Variants in MICU1 observed in about 807,000 individuals in gnomAD.
The protein encoded by MICU1 is calcium uptake protein 1, mitochondrial.
MICU1 carries 45 observed loss-of-function variants against 56.8 expected under a neutral mutation model. That is an observed-to-expected ratio of 0.79 (90% CI 0.62 to 1.02). The LOEUF is 1.02. MICU1 is among the 50% of genes least tolerant of loss of function. MICU1 has a pLI of 0.00. For missense variants in MICU1, 504 were observed against 587.1 expected (o/e 0.86, Z 1.46); for synonymous variants, 186 against 195.1 (o/e 0.95, Z 0.39).
chr10:72,613,368 G>C (rs904917011), intron 1 of MICU1, among the ~76,000 whole-genome samples: 2 of 150,690 alleles, frequency 1.3e-5, no homozygotes, highest in African/African-American at 4.9e-5. Flanking sequence ...CAAACGCCTA[G>C]GTTTAAGTAG....
chr10:72,426,673 C>T (rs532157931), intron 8 of MICU1, among the ~76,000 whole-genome samples: 8 of 152,180 alleles, frequency 5.3e-5, no homozygotes, highest in Non-Finnish European at 1.2e-4. Context: ...GCTGGGATTA[C>T]AGGCATGAGC....
chr10:72,457,215 C>T (rs182861868), intron 8 of MICU1, among the ~76,000 whole-genome samples: 4,436 of 131,810 alleles, frequency 0.034, 205 homozygotes, highest in African/African-American at 0.12. Flanking sequence ...TTACTTCCTA[C>T]TTTTTTTTTT....
chr10:72,559,037 A>G (rs991340150), intron 3 of MICU1, among the ~76,000 whole-genome samples: 3 of 152,088 alleles, frequency 2.0e-5, no homozygotes, highest in African/African-American at 7.2e-5. Flanking sequence ...TATTTTTTCA[A>G]ATGAGCTGGG....
At chr10:72,625,677 C>G (rs1225488280) in intron 1 of MICU1, among the ~76,000 whole-genome samples, 1 of 152,182 alleles carries the variant, frequency 6.6e-6, no homozygotes, top group Non-Finnish European at 1.5e-5. Context: ...GTCAAGGCTA[C>G]CAGAGTGTCC....
intron 8 of MICU1, among the ~76,000 whole-genome samples, chr10:72,452,456 G>T (rs1418583729): frequency 1.3e-5 from 2 of 152,178 alleles, no homozygotes; most frequent in African/African-American, 4.8e-5. Context: ...ATGAGGAAAT[G>T]ACATATTCTT....
intron 8 of MICU1, among the ~76,000 whole-genome samples, chr10:72,433,766 T>C (rs1168068652): frequency 6.6e-6 from 1 of 152,230 alleles, no homozygotes; most frequent in African/African-American, 2.4e-5. Context: ...CTTGGGAATC[T>C]TTCCTCATTA....
At chr10:72,608,132 G>A (rs1330917196) in intron 1 of MICU1, among the ~76,000 whole-genome samples, 1 of 152,074 alleles carries the variant, frequency 6.6e-6, no homozygotes, top group Non-Finnish European at 1.5e-5. Flanking sequence ...GCAGTGGTGT[G>A]ATCTCAGCTC....
intron 6 of MICU1, among the ~76,000 whole-genome samples, chr10:72,489,594 G>A (rs16929899): frequency 0.054 from 8,148 of 152,154 alleles, 748 homozygotes; most frequent in African/African-American, 0.19. Flanking sequence ...AGGCTAGATA[G>A]TTTACAACTT....
chr10:72,500,275 TATATATATATATATATATATATA>T (rs1866991298), intron 6 of MICU1, among the ~76,000 whole-genome samples: 4 of 9,246 alleles, frequency 4.3e-4, no homozygotes, highest in East Asian at 1.8e-3. Context: ...TATATATATA[TATATATATATATATATATATATA>T]TATATTTTTT....
In MICU1 at chr10:72,368,373, A is replaced by G. The variant is rs770180247; in HGVS notation, c.1271-18T>C. The G allele has an allele frequency of 6.2e-7, 1 of 1,609,088 alleles. No homozygotes were observed. ...GCCATTGCCTAGAGGAAGAGGCAAA[A>G]ACAACAGGGATAAGTGTTGGCCTTG... On this transcript the variant is annotated intron_variant, in intron 11 of 11. Transcript: ENST00000361114.
At chr10:72,550,513 A>G (rs961871065) in intron 4 of MICU1, among the ~76,000 whole-genome samples, 3 of 152,244 alleles carry the variant, frequency 2.0e-5, no homozygotes, top group Non-Finnish European at 2.9e-5. Context: ...TGTTCTATAC[A>G]GTCACTGTGG....
intron 5 of MICU1, among the ~76,000 whole-genome samples, chr10:72,525,857 G>A (rs557141161): frequency 1.3e-5 from 2 of 152,228 alleles, no homozygotes; most frequent in Non-Finnish European, 2.9e-5. Context: ...TTATGTGGGA[G>A]AGCCTATATT....
chr10:72,370,023 C>T (rs943967365), intron 11 of MICU1, among the ~76,000 whole-genome samples: 13 of 152,078 alleles, frequency 8.5e-5, no homozygotes, highest in African/African-American at 3.1e-4. Flanking sequence ...ACCACAGGCA[C>T]CCGCCATCAT....
At chr10:72,425,391 G>C (rs1042225613) in intron 8 of MICU1, among the ~76,000 whole-genome samples, 4 of 152,120 alleles carry the variant, frequency 2.6e-5, no homozygotes, top group Admixed American at 2.6e-4. Context: ...GCTTATAAAA[G>C]GCCTTTATTC....
At chr10:72,479,666 C>T (rs1401542345) in intron 6 of MICU1, among the ~76,000 whole-genome samples, 3 of 152,140 alleles carry the variant, frequency 2.0e-5, no homozygotes, top group Non-Finnish European at 4.4e-5. Flanking sequence ...GCTAGGACTA[C>T]AGGTGCGTGC....
chr10:72,428,703 C>T (rs1229914706), intron 8 of MICU1, among the ~76,000 whole-genome samples: 1 of 152,046 alleles, frequency 6.6e-6, no homozygotes, highest in South Asian at 2.1e-4. Context: ...AACAGTCAGA[C>T]CAGGGAAAGG....
intron 5 of MICU1, among the ~76,000 whole-genome samples, chr10:72,522,907 T>C (rs939764712): frequency 6.6e-6 from 1 of 152,136 alleles, no homozygotes; most frequent in Admixed American, 6.6e-5. Flanking sequence ...AAAGGTTTAT[T>C]ATTATTCTTT....
chr10:72,390,329 T>C (rs534753936), intron 10 of MICU1, among the ~76,000 whole-genome samples: 3 of 152,222 alleles, frequency 2.0e-5, no homozygotes, highest in Non-Finnish European at 4.4e-5. Context: ...TGTAAGTTAT[T>C]AAAAGATGGT....
In MICU1 at chr10:72,551,355, T is replaced by C. The variant is rs752505106; in HGVS notation, c.331-14A>G. 5.0e-6 allele frequency: 8 copies of C among 1,591,374 alleles called. No individual in the cohort carries two copies. The South Asian group carries it at 5.7e-5, about 11-fold the overall frequency. ...ATATTCCATCACCTAAAGTTAGAAA[T>C]TTAGAAAGTGTTACTATATTAAGCA... On this transcript the variant is annotated splice_polypyrimidine_tract_variant and intron_variant, in intron 3 of 11. Coordinates refer to ENST00000361114, the MANE Select transcript of MICU1 (RefSeq NM_001195518.2).
Sources: gnomAD v4.1 joint callset for allele counts (sites outside exome capture counted in the v4.1 genomes callset) on GRCh38, gnomAD v4.1.1 for gene constraint, MANE v1.5 for transcripts, NCBI Gene and HGNC (gene_info 2026-07-23, HGNC 2026-07-21) for gene names.